The following PID1 variants were observed in gnomAD, a reference collection of about 807,000 sequenced individuals.
PID1 encodes the protein phosphotyrosine interaction domain containing 1, also known as PTB-containing, cubilin and LRP1-interacting protein.
A neutral mutation model predicts 19.1 loss-of-function variants in PID1; 10 were observed. The ratio of observed to expected loss-of-function variants is 0.52; its 90% confidence interval spans 0.32 to 0.89. The LOEUF (loss-of-function observed/expected upper bound fraction) is 0.89, where lower values mean the gene tolerates loss of function less well. PID1 is among the 40% of genes least tolerant of loss of function. The probability of loss-of-function intolerance (pLI) is 0.03; values close to 1 mark genes in which losing one functional copy is unlikely to be tolerated. For synonymous variants in PID1, 130 were observed against 116.0 expected (o/e 1.12, Z -0.78); for missense variants, 248 against 285.3 (o/e 0.87, Z 0.94).
At chr2:229,208,106 G>A (rs1040622821) in intron 1 of PID1, among the ~76,000 whole-genome samples, 10 of 152,080 alleles carry the variant, frequency 6.6e-5, no homozygotes, top group African/African-American at 2.2e-4. Flanking sequence ...CAGGCCTCTG[G>A]GTTGTAAAGG....
At chr2:229,215,647 T>C (rs778836679) in intron 1 of PID1, among the ~76,000 whole-genome samples, 22 of 152,212 alleles carry the variant, frequency 1.4e-4, no homozygotes, top group Non-Finnish European at 2.9e-4. Flanking sequence ...AGGGTATGTA[T>C]AGACAGGTGT....
At chr2:229,268,797 G>T (rs866901821) in intron 1 of PID1, among the ~76,000 whole-genome samples, 1 of 152,006 alleles carries the variant, frequency 6.6e-6, no homozygotes, top group Non-Finnish European at 1.5e-5. Context: ...AATCGGACAG[G>T]CATGTTTCTA....
chr2:229,028,541 T>G (rs1693475171), intron 2 of PID1, among the ~76,000 whole-genome samples: 1 of 152,144 alleles, frequency 6.6e-6, no homozygotes, highest in South Asian at 2.1e-4. Context: ...TAATAAGTAA[T>G]TAATATCTGG....
At chr2:229,102,691 C>A (rs1176223697) in intron 2 of PID1, among the ~76,000 whole-genome samples, 1 of 152,118 alleles carries the variant, frequency 6.6e-6, no homozygotes, top group Non-Finnish European at 1.5e-5. Flanking sequence ...TTAATAGAAC[C>A]CTCTAGGTCC....
intron 2 of PID1, among the ~76,000 whole-genome samples, chr2:229,123,276 T>G (rs1239315754): frequency 6.6e-6 from 1 of 152,206 alleles, no homozygotes; most frequent in Non-Finnish European, 1.5e-5. Context: ...TCATATAATA[T>G]GTGGTCATTT....
intron 2 of PID1, among the ~76,000 whole-genome samples, chr2:229,043,421 A>G (rs1693812770): frequency 6.6e-6 from 1 of 152,206 alleles, no homozygotes; most frequent in South Asian, 2.1e-4. Flanking sequence ...AGTTAAAGTC[A>G]TTGCCAAGAA....
intron 1 of PID1, among the ~76,000 whole-genome samples, chr2:229,228,851 C>G (rs918158422): frequency 6.6e-6 from 1 of 152,186 alleles, no homozygotes; most frequent in African/African-American, 2.4e-5. Context: ...ATAAGAGATA[C>G]TTCTAGCTTA....
intron 2 of PID1, among the ~76,000 whole-genome samples, chr2:229,036,102 C>T (rs1693656932): frequency 2.0e-5 from 3 of 152,300 alleles, no homozygotes; most frequent in Admixed American, 6.5e-5. Context: ...CCCTGCCTCT[C>T]GTGCATTGTA....
intron 2 of PID1, among the ~76,000 whole-genome samples, chr2:229,150,538 T>A (rs772125437): frequency 1.3e-5 from 2 of 152,148 alleles, no homozygotes; most frequent in Admixed American, 6.5e-5. Context: ...TACACACACC[T>A]CCCCTTGGTA....
chr2:229,077,170 G>T (rs1385652202), intron 2 of PID1, among the ~76,000 whole-genome samples: 3 of 152,026 alleles, frequency 2.0e-5, no homozygotes, highest in African/African-American at 4.8e-5. Flanking sequence ...TTTCATGTTT[G>T]TTGGCTGCAT....
Position 229,155,981 on chromosome 2 carries a change from T to C in PID1, c.31-17A>G. 1 of 1,610,554 alleles carries C rather than the reference T, an allele frequency of 6.2e-7. No individual in the cohort carries two copies. The highest frequency in any genetic ancestry group is 1.1e-5 in the South Asian group (1 of 90,538). On this transcript the variant is annotated splice_polypyrimidine_tract_variant and intron_variant, in intron 1 of 2. Coordinates refer to ENST00000392055, the MANE Select transcript of PID1 (RefSeq NM_001100818.2). ...CTGAAAGTGCTGAAAAGCAGAAAAA[T>C]AAGCCACATGTAGTTTAATCACTTG...
intron 1 of PID1, among the ~76,000 whole-genome samples, chr2:229,232,431 CAAAAAAAAAA>C (rs386392861): frequency 7.3e-5 from 3 of 41,360 alleles, no homozygotes; most frequent in African/African-American, 2.3e-4. Flanking sequence ...GACTCCATCT[CAAAAAAAAAA>C]AAAAAAAAAA....
At position 229,180,734 on chromosome 2, in the gene PID1, C is replaced by T. The variant is rs187980742; in HGVS notation, c.31-24770G>A. The stretch of plus-strand genomic sequence containing the variant: ...TTAATGACTTAACGGCTGATTGACA[C>T]TCAGGATTGGCGTCTTCGTATGCCA... On this transcript the variant is annotated intron_variant, in intron 1 of 2. Transcript: ENST00000392055. Among the ~76,000 whole-genome samples the T allele has an allele frequency of 4.9e-3, 741 of 152,324 alleles. 2 individuals carry two copies. The highest frequency in any genetic ancestry group is 7.5e-3 in the Admixed American group (115 of 15,310).
intron 2 of PID1, among the ~76,000 whole-genome samples, chr2:229,075,845 G>A (rs1694546706): frequency 6.6e-6 from 1 of 152,176 alleles, no homozygotes; most frequent in Non-Finnish European, 1.5e-5. Flanking sequence ...CTGGTATCTT[G>A]CTGTGTTCCA....
chr2:229,139,117 G>GAA, intron 2 of PID1, among the ~76,000 whole-genome samples: 1 of 78,802 alleles, frequency 1.3e-5, no homozygotes. Flanking sequence ...GAAAGAAAGA[G>GAA]AAAGAAAGAA....
At chr2:229,130,957 G>T (rs536382784) in intron 2 of PID1, among the ~76,000 whole-genome samples, 2 of 152,250 alleles carry the variant, frequency 1.3e-5, no homozygotes, top group African/African-American at 4.8e-5. Flanking sequence ...TCACATGATG[G>T]CATTCTCCCT....
chr2:229,033,610 C>G (rs920514136), intron 2 of PID1, among the ~76,000 whole-genome samples: 1 of 152,044 alleles, frequency 6.6e-6, no homozygotes, highest in African/African-American at 2.4e-5. Flanking sequence ...AGCAAACCAC[C>G]ATGGCACGTG....
intron 2 of PID1, among the ~76,000 whole-genome samples, chr2:229,131,490 C>T (rs532726343): frequency 1.3e-5 from 2 of 152,156 alleles, no homozygotes; most frequent in Non-Finnish European, 2.9e-5. Flanking sequence ...CTCAGCCTCC[C>T]GAAGTGCTGG....
intron 1 of PID1, among the ~76,000 whole-genome samples, chr2:229,266,640 C>G (rs116736563): frequency 6.6e-6 from 1 of 152,202 alleles, no homozygotes; most frequent in Admixed American, 6.5e-5. Context: ...GGATTGGAAC[C>G]AAACTGTCTG....
Sources: gnomAD v4.1 joint callset for allele counts (sites outside exome capture counted in the v4.1 genomes callset) on GRCh38, gnomAD v4.1.1 for gene constraint, MANE v1.5 for transcripts, NCBI Gene and HGNC (gene_info 2026-07-23, HGNC 2026-07-21) for gene names.